Variants in SDR39U1 observed in about 807,000 individuals in gnomAD.
The protein encoded by SDR39U1 is short chain dehydrogenase/reductase family 39U member 1.
In SDR39U1, 29 loss-of-function variants were observed where a neutral mutation model predicts 31.7. That is an observed-to-expected ratio of 0.92 (90% CI 0.68 to 1.25). SDR39U1 has a LOEUF of 1.25. Ranked by LOEUF, SDR39U1 falls within the 50% of genes most tolerant of loss-of-function variation. The pLI, the probability that SDR39U1 is intolerant of heterozygous loss-of-function variation, is 0.00. For synonymous variants in SDR39U1, 147 were observed against 159.0 expected (o/e 0.92, Z 0.57); for missense variants, 403 against 378.4 (o/e 1.06, Z -0.54).
chr14:24,441,924 C>T, intron 3 of SDR39U1, 129 bp from the exon 4 acceptor site: 6 of 1,368,032 alleles, frequency 4.4e-6, no homozygotes, highest in South Asian at 1.3e-5. Flanking sequence ...TTAAGAGAAA[C>T]AGTCAACGTC....
intron 1 of SDR39U1, 58 bp downstream of exon 1, chr14:24,442,696 C>T: frequency 1.2e-6 from 2 of 1,606,912 alleles, no homozygotes; most frequent in Non-Finnish European, 1.7e-6. Context: ...AAGCGGATTC[C>T]CAGTCCTCAA....
rs2043310389 is a variant in SDR39U1 at position 24,440,763 on chromosome 14, T to C, written c.472+20A>G. Reference sequence around the variant, plus strand: ...GAGAAGACATTCCAACCCTGTCTGATACCCAGGCCCGTTTCTCACCTGAGC... The same window carrying C: ...GAGAAGACATTCCAACCCTGTCTGACACCCAGGCCCGTTTCTCACCTGAGC... On this transcript the variant is annotated intron_variant, in intron 5 of 5. Coordinates refer to ENST00000399395, the MANE Select transcript of SDR39U1 (RefSeq NM_020195.3). 2.5e-6 allele frequency: 4 copies of C among 1,612,532 alleles called. No individual in the cohort carries two copies. Among genetic ancestry groups the C allele is most frequent in the Non-Finnish European group, 3.4e-6 (4 of 1,179,020 alleles).
At position 24,442,234 on chromosome 14, in the gene SDR39U1, C is replaced by T. The variant is rs377456099; in HGVS notation, c.150G>A (p.Pro50=). 3 of 1,611,372 alleles carry T rather than the reference C, an allele frequency of 1.9e-6. No homozygotes were observed. In the African/African-American group the frequency reaches 4.0e-5, roughly 22 times the overall value. ...CCAGGTTGACGGCGGCATCGCAGCT[C>T]GGCAGCCCCGATGCAGCGAGCTCAT... is the stretch of plus-strand genomic sequence containing the variant. ...TWDELAASGL[P]SCDAAVNLAG... The change falls in exon 3 of 6, where the codon CCG becomes CCA. Residue 50 remains proline (P), a synonymous_variant. Transcript: ENST00000399395.
At position 24,442,222 on chromosome 14, in the gene SDR39U1, G is replaced by A. The variant is rs779537200; in HGVS notation, c.162C>T (p.Ala54=). ...LAASGLPSCD[A]AVNLAGENIL... ...TGTTCTCTCCGGCCAGGTTGACGGC[G>A]GCATCGCAGCTCGGCAGCCCCGATG... is the stretch of plus-strand genomic sequence containing the variant. The change falls in exon 3 of 6, where the codon GCC becomes GCT. Residue 54 remains alanine (A), a synonymous_variant. Coordinates refer to ENST00000399395, the MANE Select transcript of SDR39U1 (RefSeq NM_020195.3). 7 of 1,612,200 alleles carry A rather than the reference G, an allele frequency of 4.3e-6. No homozygotes were observed. The highest frequency in any genetic ancestry group is 5.9e-6 in the Non-Finnish European group (7 of 1,179,264).
intron 1 of SDR39U1, 42 bp from the exon 2 acceptor site, chr14:24,442,494 G>T: frequency 6.5e-7 from 1 of 1,540,920 alleles, no homozygotes; most frequent in South Asian, 1.2e-5. Context: ...CGTGGAGTTG[G>T]GGTGGGGGCG....
At position 24,441,798 on chromosome 14, in the gene SDR39U1, G is replaced by A. The variant is rs2043350125; in HGVS notation, c.207-3C>T. On this transcript the variant is annotated splice_region_variant and splice_polypyrimidine_tract_variant and intron_variant, in intron 3 of 5. Coordinates refer to ENST00000399395, the MANE Select transcript of SDR39U1 (RefSeq NM_020195.3). ...CTTTTTGGAAGGTTTCATTCCATCTGCAGGAGAAACATGGGAAATAAAAAG... is the reference window on the plus strand; with the variant it reads ...CTTTTTGGAAGGTTTCATTCCATCTACAGGAGAAACATGGGAAATAAAAAG... The A allele has an allele frequency of 1.9e-6, 3 of 1,605,126 alleles. No homozygotes were observed. The highest frequency in any genetic ancestry group is 2.5e-6 in the Non-Finnish European group (3 of 1,176,730).
chr14:24,442,774 A>G lies in SDR39U1; in HGVS notation c.-5T>C. 6.2e-7 allele frequency: 1 copy of G among 1,613,988 alleles called. No individual in the cohort carries two copies. Among genetic ancestry groups the G allele is most frequent in the South Asian group, 1.1e-5 (1 of 91,084 alleles). On this transcript the variant is annotated 5_prime_UTR_variant, in exon 1 of 6. Coordinates refer to ENST00000399395, the MANE Select transcript of SDR39U1 (RefSeq NM_020195.3). Reference sequence around the variant, plus strand: ...CTCACCCACAAGCACACGCATAGCGACTAGGACCTAACGCGCCTGCGTAAA... The same window carrying G: ...CTCACCCACAAGCACACGCATAGCGGCTAGGACCTAACGCGCCTGCGTAAA...
In SDR39U1 at chr14:24,440,829, T is replaced by C. The variant is rs755305665; in HGVS notation, c.426A>G (p.Ala142=). The change falls in exon 5 of 6, where the codon GCA becomes GCG. Residue 142 remains alanine, a synonymous_variant. Coordinates refer to ENST00000399395, the MANE Select transcript of SDR39U1 (RefSeq NM_020195.3). ...GTGTAGAATCTCCAGGAAGCCTGGCTGCAGCTTCCCATTTGGTTACGAGGT... is the reference window on the plus strand; with the variant it reads ...GTGTAGAATCTCCAGGAAGCCTGGCCGCAGCTTCCCATTTGGTTACGAGGT... ...FSNLVTKWEA[A]ARLPGDSTRQ... The C allele has an allele frequency of 6.2e-6, 10 of 1,613,752 alleles. No homozygotes were observed. Among genetic ancestry groups the C allele is most frequent in the Non-Finnish European group, 7.6e-6 (9 of 1,179,764 alleles).
In SDR39U1 at chr14:24,441,743, G is replaced by C. The variant is rs1256999113; in HGVS notation, c.259C>G (p.Gln87Glu). ...EVIGSRLETT[Q>E]LLAKAITKAP... ...TTGGTGATGGCTTTAGCCAGCAATTGGGTGGTCTCTAGGCGGCTGCCGATT... is the reference window on the plus strand; with the variant it reads ...TTGGTGATGGCTTTAGCCAGCAATTCGGTGGTCTCTAGGCGGCTGCCGATT... Residue 87 changes from glutamine to glutamate, a missense_variant, in exon 4 of 6, where the codon CAA (glutamine) becomes GAA (glutamate). By Grantham distance (29) the Gln-to-Glu change is conservative (BLOSUM62 2). Coordinates refer to ENST00000399395, the MANE Select transcript of SDR39U1 (RefSeq NM_020195.3). The C allele has an allele frequency of 1.2e-5, 19 of 1,602,310 alleles. No individual in the cohort carries two copies. Among genetic ancestry groups the C allele is most frequent in the Non-Finnish European group, 1.6e-5 (19 of 1,176,588 alleles).
rs1053866819 is a variant in SDR39U1, at chr14:24,441,140, T to C, written c.329-214A>G. ...TTGCAGGGCTAAACTTAGAGGCTGC[T>C]AGAGTGTAGTGGTTAAGAACAGGAA... On this transcript the variant is annotated intron_variant, in intron 4 of 5. Transcript: ENST00000399395. 7 of 671,500 alleles carry C rather than the reference T, an allele frequency of 1.0e-5. No homozygotes were observed. In the African/African-American group the frequency reaches 1.1e-4, roughly 10 times the overall value. 41.6% of individuals were successfully genotyped at this position (671,500 alleles called of 1,614,324 possible).
In SDR39U1 at chr14:24,440,873, C is replaced by T. The variant is rs1381284599; in HGVS notation, c.382G>A (p.Asp128Asn). Residue 128 changes from aspartate to asparagine, a missense_variant, in exon 5 of 6, where the codon GAC becomes AAC. Transcript: ENST00000399395. ...AEYDEDSPGG[D>N]FDFFSNLVTK... is the part of the protein sequence containing the mutation. ...ACGAGGTTGGAGAAAAAGTCAAAGT[C>T]CCCTCCTGGGCTGTCTTCATCATAC... is the stretch of plus-strand genomic sequence containing the variant. 4 of 1,614,016 alleles carry T rather than the reference C, an allele frequency of 2.5e-6. No homozygotes were observed. Among genetic ancestry groups the T allele is most frequent in the South Asian group, 1.1e-5 (1 of 91,076 alleles).
intron 5 of SDR39U1, 80 bp downstream of exon 5, chr14:24,440,703 C>G (rs564854801): frequency 1.3e-6 from 2 of 1,529,638 alleles, no homozygotes; most frequent in South Asian, 2.4e-5. Flanking sequence ...TAATTGTAAT[C>G]TCAGCTCTCC....
chr14:24,442,655 G>A (rs907410678), intron 1 of SDR39U1, 99 bp downstream of exon 1: 34 of 1,480,362 alleles, frequency 2.3e-5, no homozygotes, highest in Non-Finnish European at 3.0e-5. Context: ...CCAAGGCCAG[G>A]TTGCCTGTGC....
At chr14:24,441,343 T>C in intron 4 of SDR39U1, 2 of 454,692 alleles carry the variant, frequency 4.4e-6, no homozygotes. Flanking sequence ...ACACTTCAAA[T>C]AGTGGCTGGT....
At chr14:24,442,507 T>G (rs550978859) in intron 1 of SDR39U1, 55 bp from the exon 2 acceptor site, 1 of 1,482,564 alleles carries the variant, frequency 6.7e-7, no homozygotes, top group Admixed American at 1.9e-5. Context: ...TGGGGGCGCC[T>G]TCCGTCCCCG....
chr14:24,441,825 C>G (rs1406025730), intron 3 of SDR39U1, 30 bp from the exon 4 acceptor site: 10 of 1,596,274 alleles, frequency 6.3e-6, no homozygotes, highest in Non-Finnish European at 8.5e-6. Flanking sequence ...AATAAAAAGC[C>G]ACTAAATACA....
rs368549753 is a variant in SDR39U1, at chr14:24,440,201, C to T, written c.764G>A (p.Arg255Gln). The T allele has an allele frequency of 2.1e-5, 34 of 1,613,838 alleles. No individual in the cohort carries two copies. Among genetic ancestry groups the T allele is most frequent in the South Asian group, 2.1e-4 (19 of 91,078 alleles). ...PSAVVQAVFGRQRAIMLLEGQ... is the reference protein window; with the variant it reads ...PSAVVQAVFGQQRAIMLLEGQ... The stretch of plus-strand genomic sequence containing the variant: ...CTCCAGCAGCATGATGGCACGCTGT[C>T]GCCCAAAGACAGCTTGCACCACAGC... Residue 255 changes from arginine to glutamine, a missense_variant, in exon 6 of 6, where the codon CGA (arginine) becomes CAA (glutamine). Arg to Gln is a conservative substitution (Grantham distance 43). Coordinates refer to ENST00000399395, the MANE Select transcript of SDR39U1 (RefSeq NM_020195.3).
rs1594765953 is a variant in SDR39U1, at chr14:24,442,349, C to T, written c.120G>A (p.Thr40=). Residue 40 remains threonine (T), a synonymous_variant, in exon 2 of 6, where the codon ACG becomes ACA. Transcript: ENST00000399395. Reference sequence around the variant, plus strand: ...CGCTTCCAGAGGATGGACTTACCCACGTGATCCGGCCGGGCCCGGGCTTTC... The same window carrying T: ...CGCTTCCAGAGGATGGACTTACCCATGTGATCCGGCCGGGCCCGGGCTTTC... The part of the protein sequence containing the change: ...VSRKPGPGRI[T]WDELAASGLP... 1.9e-6 allele frequency: 3 copies of T among 1,610,518 alleles called. No homozygotes were observed. The highest frequency in any genetic ancestry group is 1.3e-5 in the African/African-American group (1 of 74,728).
chr14:24,442,401 C>G lies in SDR39U1; in HGVS notation c.68G>C (p.Arg23Thr), dbSNP rs1343167910. The change falls in exon 2 of 6, where the codon AGA (arginine) becomes ACA (threonine). Residue 23 changes from arginine (R) to threonine (T), a missense_variant. Coordinates refer to ENST00000399395, the MANE Select transcript of SDR39U1 (RefSeq NM_020195.3). ...GTALTQLLNA[R>T]GHEVTLVSRK... ...GGAGACCAACGTCACTTCGTGGCCT[C>G]TGGCATTCAGCAGCTGGGTTAGGGC... 3 of 1,611,730 alleles carry G rather than the reference C, an allele frequency of 1.9e-6. No individual in the cohort carries two copies. The African/African-American group carries it at 4.0e-5, about 21-fold the overall frequency.
Sources: gnomAD v4.1 joint callset for allele counts on GRCh38, gnomAD v4.1.1 for gene constraint, MANE v1.5 for transcripts, NCBI Gene and HGNC (gene_info 2026-07-23, HGNC 2026-07-21) for gene names.